Variants in DBNDD1 observed in about 807,000 individuals in gnomAD.
The protein encoded by DBNDD1 is dysbindin domain containing 1, also known as dysbindin domain-containing protein 1.
A neutral mutation model predicts 17.0 loss-of-function variants in DBNDD1; 14 were observed. That is an observed-to-expected ratio of 0.82 (90% CI 0.54 to 1.29). The LOEUF (loss-of-function observed/expected upper bound fraction) is 1.29. Among genes scored for constraint, DBNDD1 ranks in the 50% most tolerant of loss-of-function variants. The pLI is 0.00. For missense variants in DBNDD1, 221 were observed against 216.2 expected (o/e 1.02, Z -0.14); for synonymous variants, 105 against 102.0 (o/e 1.03, Z -0.18).
chr16:90,011,553 G>T, intron 1 of DBNDD1: 1 of 418,614 alleles, frequency 2.4e-6, no homozygotes, highest in Non-Finnish European at 4.9e-6. Context: ...CGCCCCGTCG[G>T]CCGTGTGGTC....
intron 1 of DBNDD1, among the ~76,000 whole-genome samples, chr16:90,011,936 TG>T (rs2035562488): frequency 6.6e-6 from 1 of 152,206 alleles, no homozygotes; most frequent in South Asian, 2.1e-4. Flanking sequence ...AGACCCAGCC[TG>T]GCCCTTGGGC....
intron 1 of DBNDD1, among the ~76,000 whole-genome samples, chr16:90,014,187 C>T (rs562187274): frequency 1.4e-4 from 21 of 151,472 alleles, no homozygotes; most frequent in South Asian, 4.2e-4. Context: ...AGGGCAATGG[C>T]GCGATCTCTG....
chr16:90,011,540 C>T (rs2035554768), intron 1 of DBNDD1: 1 of 404,072 alleles, frequency 2.5e-6, no homozygotes, highest in Non-Finnish European at 5.1e-6. Flanking sequence ...GACAGTGTCC[C>T]CTCGCCCCGT....
At chr16:90,012,131 G>A (rs1009947801) in intron 1 of DBNDD1, among the ~76,000 whole-genome samples, 7 of 152,220 alleles carry the variant, frequency 4.6e-5, no homozygotes, top group South Asian at 2.1e-4. Context: ...TGCTGCAGCC[G>A]GCCCTGAGGG....
intron 1 of DBNDD1, among the ~76,000 whole-genome samples, chr16:90,015,163 C>A (rs754364898): frequency 6.6e-6 from 1 of 152,168 alleles, no homozygotes; most frequent in African/African-American, 2.4e-5. Flanking sequence ...TTGGCCTGGT[C>A]TTTATTCTGT....
At chr16:90,015,936 C>G (rs925466075) in intron 1 of DBNDD1, among the ~76,000 whole-genome samples, 7 of 152,198 alleles carry the variant, frequency 4.6e-5, no homozygotes, top group Middle Eastern at 3.4e-3. Flanking sequence ...GGTGACTGCA[C>G]AATTTTGTGA....
intron 1 of DBNDD1, among the ~76,000 whole-genome samples, chr16:90,010,875 C>A (rs773470941): frequency 4.6e-5 from 7 of 152,254 alleles, no homozygotes; most frequent in Admixed American, 1.3e-4. Context: ...TGCATGCCCC[C>A]CTTTGGCCCT....
intron 1 of DBNDD1, among the ~76,000 whole-genome samples, chr16:90,015,484 A>G (rs1274852262): frequency 6.6e-6 from 1 of 152,172 alleles, no homozygotes; most frequent in Non-Finnish European, 1.5e-5. Flanking sequence ...GGGAGTGAAA[A>G]GTTCTATGTG....
chr16:90,018,888 C>T (rs1306348503), intron 1 of DBNDD1, among the ~76,000 whole-genome samples: 1 of 152,204 alleles, frequency 6.6e-6, no homozygotes, highest in Non-Finnish European at 1.5e-5. Context: ...CCCCCCGGGA[C>T]TCGCGGCTGG....
Position 90,019,176 on chromosome 16 carries a change from G to C in DBNDD1, c.31+135C>G, listed in dbSNP as rs994816084. The C allele has an allele frequency of 6.0e-5, 23 of 383,942 alleles. No individual in the cohort carries two copies. The East Asian group carries it at 9.4e-4, about 16-fold the overall frequency. 23.8% of individuals were successfully genotyped at this position (383,942 alleles called of 1,614,324 possible). Reference sequence around the variant, plus strand: ...CGCGCCCGGGAGGTGCCCCTGGCCCGCCGGACGACCCCGAGCTGCCAAAGG... The same window carrying C: ...CGCGCCCGGGAGGTGCCCCTGGCCCCCCGGACGACCCCGAGCTGCCAAAGG... On this transcript the variant is annotated intron_variant, in intron 1 of 3. Coordinates refer to ENST00000002501, the MANE Select transcript of DBNDD1 (RefSeq NM_001042610.3). This position sits in a 1 kb window ranked among gnomAD's most constrained non-coding sequence, Gnocchi z 6.1.
At chr16:90,015,480 G>A (rs115884041) in intron 1 of DBNDD1, among the ~76,000 whole-genome samples, 2 of 152,186 alleles carry the variant, frequency 1.3e-5, no homozygotes, top group Admixed American at 1.3e-4. Context: ...TTTGGGGAGT[G>A]AAAAGTTCTA....
chr16:90,014,372 G>T (rs999787288), intron 1 of DBNDD1, among the ~76,000 whole-genome samples: 2 of 152,106 alleles, frequency 1.3e-5, no homozygotes, highest in Non-Finnish European at 2.9e-5. Flanking sequence ...TGATCCGCCC[G>T]CCTTGGCCTC....
intron 3 of DBNDD1, 32 bp from the exon 4 acceptor site, chr16:90,006,524 G>C (rs956475921): frequency 6.9e-6 from 11 of 1,588,852 alleles, no homozygotes; most frequent in Non-Finnish European, 9.4e-6. Context: ...AACTCGGTGT[G>C]GCTGAGAGGC....
At chr16:90,014,342 G>A (rs546576888) in intron 1 of DBNDD1, among the ~76,000 whole-genome samples, 4 of 152,158 alleles carry the variant, frequency 2.6e-5, no homozygotes, top group Admixed American at 2.0e-4. Flanking sequence ...GGCCAGGCTG[G>A]TCTTGAACTC....
intron 1 of DBNDD1, among the ~76,000 whole-genome samples, chr16:90,018,586 C>A (rs2035690860): frequency 6.6e-6 from 1 of 152,220 alleles, no homozygotes; most frequent in East Asian, 1.9e-4. Context: ...GCAAATGGAA[C>A]CCCGAAAGCC....
intron 1 of DBNDD1, among the ~76,000 whole-genome samples, chr16:90,016,124 C>T (rs1171211306): frequency 6.6e-6 from 1 of 152,156 alleles, no homozygotes; most frequent in East Asian, 1.9e-4. Context: ...CACGCCAGAC[C>T]CCCAGGCACA....
chr16:90,009,336 G>C lies in DBNDD1; in HGVS notation c.126C>G (p.Val42=). The C allele has an allele frequency of 1.9e-6, 3 of 1,613,508 alleles. 1 individual carries two copies. The South Asian group carries it at 3.3e-5, about 18-fold the overall frequency. ...DNGHTPVEEE[V]GGIPVPAPGL... ...CCGGTGCTGGTACTGGGATGCCCCC[G>C]ACCTCCTCCTCCACAGGCGTGTGGC... The change falls in exon 2 of 4, where the codon GTC becomes GTG. Residue 42 remains valine (V), a synonymous_variant. Coordinates refer to ENST00000002501, the MANE Select transcript of DBNDD1 (RefSeq NM_001042610.3).
intron 1 of DBNDD1, among the ~76,000 whole-genome samples, chr16:90,012,787 G>A (rs2035577263): frequency 6.6e-6 from 1 of 152,074 alleles, no homozygotes; most frequent in Non-Finnish European, 1.5e-5. Flanking sequence ...AGGTCTCACT[G>A]TTGCCCAGGC....
chr16:90,009,974 C>A, intron 1 of DBNDD1: 2 of 1,614,144 alleles, frequency 1.2e-6, no homozygotes, highest in Non-Finnish European at 1.7e-6. Flanking sequence ...AATAGGCAGG[C>A]CTGCCATTCT....
Sources: allele counts gnomAD v4.1 joint callset (sites outside exome capture counted in the v4.1 genomes callset), GRCh38; gene constraint gnomAD v4.1.1; non-coding constraint Gnocchi (gnomAD v3.1); transcripts MANE v1.5; gene names NCBI Gene and HGNC (gene_info 2026-07-23, HGNC 2026-07-21).